Variants in POTED observed in about 807,000 individuals in gnomAD.
The protein encoded by POTED is POTE ankyrin domain family member D, also known as ANKRD26-like family B member 3.
Under a neutral mutation model 19.0 loss-of-function variants are expected in POTED, and 7 were observed. That is an observed-to-expected ratio of 0.37 (90% CI 0.21 to 0.69). POTED has a LOEUF of 0.69. Ranked by LOEUF, POTED falls within the 30% of genes least tolerant of loss-of-function variation. The pLI, the probability that POTED is intolerant of heterozygous loss-of-function variation, is 0.56. For missense variants in POTED, 54 were observed against 278.5 expected, an observed-to-expected ratio of 0.19 and a Z score of 5.74; for synonymous variants, 16 against 92.0, an observed-to-expected ratio of 0.17 and a Z score of 4.73.
rs1212953767 is a variant in POTED at position 13,643,349 on chromosome 21, A to G, written c.*1783A>G. Among the ~76,000 whole-genome samples the G allele has an allele frequency of 1.5e-5, 1 of 67,534 alleles. No individual in the cohort carries two copies. The highest frequency in any genetic ancestry group is 2.5e-5 in the Non-Finnish European group (1 of 39,616). 44.3% of individuals were successfully genotyped at this position (67,534 alleles called of 152,430 possible). ...TAGGCTCCACTTGCTCTTATGAGAC[A>G]CTTTATCCCAGCACTTTAGGAGTGC... On this transcript the variant is annotated 3_prime_UTR_variant, in exon 11 of 11. Coordinates refer to ENST00000299443, the MANE Select transcript of POTED (RefSeq NM_174981.6).
At chr21:13,631,319 G>A (rs919408264) in intron 9 of POTED, among the ~76,000 whole-genome samples, 1 of 102,050 alleles carries the variant, frequency 9.8e-6, no homozygotes, top group Non-Finnish European at 1.9e-5. Flanking sequence ...GCAAATGTGA[G>A]GGAAAAGGCA....
Position 13,614,191 on chromosome 21 carries a change from G to A in POTED, c.522-932G>A, listed in dbSNP as rs200023262. 3.2e-5 allele frequency among the ~76,000 whole-genome samples: 3 copies of A among 93,140 alleles called. 1 individual carries two copies. Among genetic ancestry groups the A allele is most frequent in the Non-Finnish European group, 6.2e-5 (3 of 48,524 alleles). The allele number at this position is 93,140 out of a possible 152,430, so 61.1% of individuals were successfully genotyped here. A position where few individuals can be genotyped will look rare whatever the true frequency, so the allele number is the denominator to read the frequency against. On this transcript the variant is annotated intron_variant, in intron 1 of 10. Coordinates refer to ENST00000299443, the MANE Select transcript of POTED (RefSeq NM_174981.6). ...TGGAAATATCTGATGTACATACATT[G>A]TATAAATCTAAGTATTGAAAAAAAT...
Position 13,641,382 on chromosome 21 carries a change from G to A in POTED, c.1571G>A (p.Arg524His), listed in dbSNP as rs564938629. Residue 524 changes from arginine (R) to histidine (H), a missense_variant, in exon 11 of 11, where the codon CGT (arginine) becomes CAT (histidine). Arg to His is a conservative substitution (Grantham distance 29). Coordinates refer to ENST00000299443, the MANE Select transcript of POTED (RefSeq NM_174981.6). ...CATAAGAAAGAAGAAGATCTCTTGCGTGAAAACAGCGTGTTGCAGGAAGAA... is the reference window on the plus strand; with the variant it reads ...CATAAGAAAGAAGAAGATCTCTTGCATGAAAACAGCGTGTTGCAGGAAGAA... ...LSHKKEEDLL[R>H]ENSVLQEEIA... 8.4e-6 allele frequency: 9 copies of A among 1,067,244 alleles called. 3 individuals carry two copies. The highest frequency in any genetic ancestry group is 1.6e-5 in the South Asian group (1 of 62,888). 66.1% of individuals were successfully genotyped at this position (1,067,244 alleles called of 1,614,324 possible). A position where few individuals can be genotyped will look rare whatever the true frequency, so the allele number is the denominator to read the frequency against.
intron 6 of POTED, among the ~76,000 whole-genome samples, chr21:13,626,328 C>A (rs2011185664): frequency 1.5e-5 from 1 of 66,700 alleles, no homozygotes; most frequent in Non-Finnish European, 2.5e-5. Flanking sequence ...AGCACCTTCC[C>A]AAACAAATAT....
intron 1 of POTED, among the ~76,000 whole-genome samples, chr21:13,612,025 C>T (rs1256718448): frequency 1.5e-5 from 1 of 68,100 alleles, no homozygotes; most frequent in Non-Finnish European, 2.5e-5. Context: ...CATATATATG[C>T]AGATATAATA....
Position 13,636,673 on chromosome 21 carries a change from A to G in POTED, c.1410-2842A>G, listed in dbSNP as rs183969248. On this transcript the variant is annotated intron_variant, in intron 9 of 10. Transcript: ENST00000299443. ...AAAGTAAGGATACACCCCCCCCCCA[A>G]TAGTTTGGCTTTGTGTTTCCACCCA... Among the ~76,000 whole-genome samples, 6 of 68,298 alleles carry G rather than the reference A, an allele frequency of 8.8e-5. 1 individual carries two copies. The highest frequency in any genetic ancestry group is 6.0e-4 in the African/African-American group (5 of 8,292). The allele number at this position is 68,298 out of a possible 152,430, so 44.8% of individuals were successfully genotyped here.
rs1247635114 is a variant in POTED at position 13,616,170 on chromosome 21, G to GTGTGTGTGTGTGTT, written c.810+601_810+602insGTGTGTGTGTGTTT. 9.1e-5 allele frequency among the ~76,000 whole-genome samples: 9 copies of GTGTGTGTGTGTGTT among 99,126 alleles called. 4 individuals are homozygous for GTGTGTGTGTGTGTT. The highest frequency in any genetic ancestry group is 2.0e-4 in the African/African-American group (4 of 19,938). The allele number at this position is 99,126 out of a possible 152,430, so 65.0% of individuals were successfully genotyped here. A position where few individuals can be genotyped will look rare whatever the true frequency, so the allele number is the denominator to read the frequency against. On this transcript the variant is annotated intron_variant, in intron 3 of 10. Coordinates refer to ENST00000299443, the MANE Select transcript of POTED (RefSeq NM_174981.6). The stretch of plus-strand genomic sequence containing the variant: ...TGTGTGTGTGTGTGTGTGTGTGTGT[G>GTGTGTGTGTGTGTT]TTGTTACTGTTGTTCATTCATTTGT...
chr21:13,631,448 TAAGCAAAA>T lies in POTED; in HGVS notation c.1409+342_1409+349del, dbSNP rs1458550872. ...ACAGATTATTTCATCAGCCACATAA[TAAGCAAAA>T]TACTCGAGAGGTAGTTTTTTGGTCA... On this transcript the variant is annotated intron_variant, in intron 9 of 10. Transcript: ENST00000299443. Among the ~76,000 whole-genome samples the T allele has an allele frequency of 3.9e-5, 3 of 77,880 alleles. 1 individual carries two copies. Among genetic ancestry groups the T allele is most frequent in the Non-Finnish European group, 6.7e-5 (3 of 44,772 alleles). The allele number at this position is 77,880 out of a possible 152,430, so 51.1% of individuals were successfully genotyped here.
Position 13,640,523 on chromosome 21 carries a change from CGTGTGTGTGTGTGT to C in POTED, c.1534-807_1534-794del, listed in dbSNP as rs563854848. Among the ~76,000 whole-genome samples the C allele has an allele frequency of 4.0e-5, 3 of 75,410 alleles. 1 individual carries two copies. The highest frequency in any genetic ancestry group is 7.0e-5 in the Non-Finnish European group (3 of 42,594). 49.5% of individuals were successfully genotyped at this position (75,410 alleles called of 152,430 possible). Reference sequence around the variant, plus strand: ...AAAAATCCTGCACGTTGCATATATACGTGTGTGTGTGTGTGTGTGTGTGTGTGTTTGTGTGTGTG... The same window carrying C: ...AAAAATCCTGCACGTTGCATATATACGTGTGTGTGTGTGTTTGTGTGTGTG... On this transcript the variant is annotated intron_variant, in intron 10 of 10. Transcript: ENST00000299443.
rs1438983348 is a variant in POTED, at chr21:13,610,699, C to T, written c.471C>T (p.Leu157=). The T allele has an allele frequency of 1.9e-6, 2 of 1,075,806 alleles. 1 individual carries two copies. Among genetic ancestry groups the T allele is most frequent in the East Asian group, 1.5e-4 (2 of 13,554 alleles). 66.6% of individuals were successfully genotyped at this position (1,075,806 alleles called of 1,614,324 possible). Residue 157 remains leucine, a synonymous_variant, in exon 1 of 11, where the codon CTC becomes CTT. Coordinates refer to ENST00000299443, the MANE Select transcript of POTED (RefSeq NM_174981.6). Reference sequence around the variant, plus strand: ...GGGGTAAAGTCCCCAGAAAGGATCTCATCGTCATGCTCAGGGACACTGACA... The same window carrying T: ...GGGGTAAAGTCCCCAGAAAGGATCTTATCGTCATGCTCAGGGACACTGACA... ...AWWGKVPRKD[L]IVMLRDTDMN... is the part of the protein sequence containing the mutation.
At position 13,611,162 on chromosome 21, in the gene POTED, T is replaced by C. The variant is rs2011140549; in HGVS notation, c.521+413T>C. Reference sequence around the variant, plus strand: ...AAATCCAATATGGATTTTATATCGATGTACCCCTATGTAAATACGTTCTTT... The same window carrying C: ...AAATCCAATATGGATTTTATATCGACGTACCCCTATGTAAATACGTTCTTT... On this transcript the variant is annotated intron_variant, in intron 1 of 10. Coordinates refer to ENST00000299443, the MANE Select transcript of POTED (RefSeq NM_174981.6). Among the ~76,000 whole-genome samples, 2 of 79,274 alleles carry C rather than the reference T, an allele frequency of 2.5e-5. 1 individual carries two copies. 52.0% of individuals were successfully genotyped at this position (79,274 alleles called of 152,430 possible).
chr21:13,619,346 C>T (rs2011165509), intron 4 of POTED, among the ~76,000 whole-genome samples: 1 of 67,256 alleles, frequency 1.5e-5, no homozygotes, highest in Non-Finnish European at 2.6e-5. Flanking sequence ...GTGCAGCGCA[C>T]CAGCATGGCA....
rs1195099450 is a variant in POTED, at chr21:13,636,905, A to G, written c.1410-2610A>G. Reference sequence around the variant, plus strand: ...GCCTGCTTCCCCTTTACGTTCTGCCATGATTGTAAGTTTCCTGAGGCCTTC... The same window carrying G: ...GCCTGCTTCCCCTTTACGTTCTGCCGTGATTGTAAGTTTCCTGAGGCCTTC... On this transcript the variant is annotated intron_variant, in intron 9 of 10. Coordinates refer to ENST00000299443, the MANE Select transcript of POTED (RefSeq NM_174981.6). 3.5e-5 allele frequency among the ~76,000 whole-genome samples: 2 copies of G among 57,928 alleles called. 1 individual carries two copies. Among genetic ancestry groups the G allele is most frequent in the Non-Finnish European group, 5.6e-5 (2 of 35,738 alleles). 38.0% of individuals were successfully genotyped at this position (57,928 alleles called of 152,430 possible).
chr21:13,614,006 A>C (rs2011150331), intron 1 of POTED, among the ~76,000 whole-genome samples: 1 of 106,042 alleles, frequency 9.4e-6, no homozygotes, highest in Non-Finnish European at 1.9e-5. Context: ...TAATCTGTAC[A>C]ACCAACCCCC....
At chr21:13,626,480 G>T (rs1244464848) in intron 6 of POTED, among the ~76,000 whole-genome samples, 1 of 82,486 alleles carries the variant, frequency 1.2e-5, no homozygotes, top group African/African-American at 7.0e-5. Flanking sequence ...ATGAATAATG[G>T]CTCACTAGGA....
chr21:13,617,390 G>C (rs1350665626), intron 3 of POTED, among the ~76,000 whole-genome samples: 1 of 81,342 alleles, frequency 1.2e-5, no homozygotes, highest in South Asian at 3.5e-4. Flanking sequence ...CTCTGTCGTT[G>C]AGACATTAAA....
rs974809572 is a variant in POTED, at chr21:13,624,002, AC to A, written c.1126+1129del. Among the ~76,000 whole-genome samples, 4 of 101,898 alleles carry A rather than the reference AC, an allele frequency of 3.9e-5. 2 individuals carry two copies. Among genetic ancestry groups the A allele is most frequent in the African/African-American group, 1.9e-4 (4 of 21,006 alleles). 66.8% of individuals were successfully genotyped at this position (101,898 alleles called of 152,430 possible). A position where few individuals can be genotyped will look rare whatever the true frequency, so the allele number is the denominator to read the frequency against. On this transcript the variant is annotated intron_variant, in intron 6 of 10. Transcript: ENST00000299443. ...TTTTTCAACAGAATTTACAAAGAAAACCTTTCTATGTTTTCACTTGTCCACT... is the reference window on the plus strand; with the variant it reads ...TTTTTCAACAGAATTTACAAAGAAAACTTTCTATGTTTTCACTTGTCCACT...
At chr21:13,637,123 A>G (rs1345646786) in intron 9 of POTED, among the ~76,000 whole-genome samples, 1 of 68,892 alleles carries the variant, frequency 1.5e-5, no homozygotes, top group Non-Finnish European at 2.4e-5. Context: ...TTTTGAGAGT[A>G]TGATTTCTTT....
intron 9 of POTED, among the ~76,000 whole-genome samples, chr21:13,637,004 A>ATATATATAT (rs1481200854): frequency 6.1e-5 from 1 of 16,470 alleles, no homozygotes; most frequent in African/African-American, 8.8e-4. Flanking sequence ...ATATATATAT[A>ATATATATAT]TTTTTTTTTT....
Sources: allele counts gnomAD v4.1 joint callset (sites outside exome capture counted in the v4.1 genomes callset), GRCh38; gene constraint gnomAD v4.1.1; transcripts MANE v1.5; gene names NCBI Gene and HGNC (gene_info 2026-07-23, HGNC 2026-07-21).